HACD3: variants seen among roughly 807,000 people sequenced by gnomAD.
HACD3 encodes very-long-chain (3R)-3-hydroxyacyl-CoA dehydratase 3.
HACD3 carries 30 observed loss-of-function variants against 55.2 expected under a neutral mutation model. The ratio of observed to expected loss-of-function variants is 0.54; its 90% CI spans 0.41 to 0.74. HACD3 has a LOEUF of 0.74. Among genes scored for constraint, HACD3 ranks in the 30% least tolerant of loss-of-function variants. The pLI is 0.00. For missense variants in HACD3, 363 were observed against 440.1 expected, an observed-to-expected ratio of 0.82 and a Z score of 1.57; for synonymous variants, 141 against 151.7, an observed-to-expected ratio of 0.93 and a Z score of 0.52.
chr15:65,560,528 T>A (rs551100497), intron 5 of HACD3, among the ~76,000 whole-genome samples: 1 of 152,324 alleles, frequency 6.6e-6, no homozygotes, highest in South Asian at 2.1e-4. Flanking sequence ...CCAAGTATGA[T>A]GGCTCATGCC....
At chr15:65,534,150 T>G (rs560809207) in intron 1 of HACD3, among the ~76,000 whole-genome samples, 11 of 152,358 alleles carry the variant, frequency 7.2e-5, no homozygotes, top group South Asian at 4.1e-4. Flanking sequence ...CCTACTCTTG[T>G]CTATCATTAA....
intron 1 of HACD3, among the ~76,000 whole-genome samples, chr15:65,539,826 TATCA>T (rs542661331): frequency 0.051 from 1,926 of 37,470 alleles, 10 homozygotes; most frequent in Non-Finnish European, 0.13. Context: ...AGAAATATAA[TATCA>T]AATAAAAAGC....
At chr15:65,571,795 TC>T in intron 9 of HACD3, 141 bp downstream of exon 9, 1 of 675,356 alleles carries the variant, frequency 1.5e-6, no homozygotes, top group Non-Finnish European at 2.5e-6. Flanking sequence ...TGGGCTTCCT[TC>T]CATAATACTC....
At chr15:65,553,023 C>A (rs1297478142) in intron 2 of HACD3, 1 of 152,016 alleles carries the variant, frequency 6.6e-6, no homozygotes, top group Non-Finnish European at 1.5e-5. Context: ...GACATGAACT[C>A]ATCATTTTTT....
intron 1 of HACD3, among the ~76,000 whole-genome samples, chr15:65,547,145 C>G (rs1270367508): frequency 1.3e-5 from 2 of 151,452 alleles, no homozygotes; most frequent in East Asian, 3.9e-4. Flanking sequence ...GAGACGGAGT[C>G]TCACTCTGTC....
chr15:65,566,455 A>G (rs2174330), intron 7 of HACD3: 161,144 of 161,162 alleles, frequency 1, 80,563 homozygotes, highest in Non-Finnish European at 1. Context: ...GGTGCAGGGC[A>G]AAAGGCACTT....
intron 4 of HACD3, 93 bp from the exon 5 acceptor site, chr15:65,558,587 G>A (rs1165760421): frequency 8.0e-7 from 1 of 1,249,854 alleles, no homozygotes; most frequent in Non-Finnish European, 1.1e-6. Flanking sequence ...AGTTGGCTTT[G>A]AGGGAGTCAG....
At chr15:65,536,301 A>G (rs2071954521) in intron 1 of HACD3, among the ~76,000 whole-genome samples, 1 of 151,406 alleles carries the variant, frequency 6.6e-6, no homozygotes, top group Non-Finnish European at 1.5e-5. Flanking sequence ...CCCAGCCACC[A>G]TTGTGATTGT....
chr15:65,569,766 C>T (rs1482235831), intron 7 of HACD3, among the ~76,000 whole-genome samples: 2 of 152,142 alleles, frequency 1.3e-5, no homozygotes, highest in East Asian at 3.8e-4. Flanking sequence ...TATAGGGGTC[C>T]CACGTTTGTA....
chr15:65,530,963 T>A, intron 1 of HACD3: 1 of 480,558 alleles, frequency 2.1e-6, no homozygotes, highest in Non-Finnish European at 3.7e-6. Flanking sequence ...CCTGGGCCTC[T>A]CAGGCTACCC....
At chr15:65,548,755 A>G (rs1334114183) in intron 1 of HACD3, among the ~76,000 whole-genome samples, 1 of 151,782 alleles carries the variant, frequency 6.6e-6, no homozygotes, top group Non-Finnish European at 1.5e-5. Context: ...TTATTTTTGT[A>G]GAGACGGTCT....
chr15:65,546,488 T>G (rs1420570950), intron 1 of HACD3, among the ~76,000 whole-genome samples: 1 of 152,184 alleles, frequency 6.6e-6, no homozygotes, highest in Non-Finnish European at 1.5e-5. Context: ...ATTGGGAGCT[T>G]TCATTATATT....
At chr15:65,545,825 A>G (rs1355044643) in intron 1 of HACD3, among the ~76,000 whole-genome samples, 1 of 152,082 alleles carries the variant, frequency 6.6e-6, no homozygotes, top group Non-Finnish European at 1.5e-5. Context: ...AAAATTCGCA[A>G]TTTATTTCTT....
At chr15:65,568,153 C>T (rs181905307) in intron 7 of HACD3, among the ~76,000 whole-genome samples, 22 of 151,852 alleles carry the variant, frequency 1.4e-4, no homozygotes, top group African/African-American at 5.3e-4. Context: ...AACTCCTGAC[C>T]CCAGGTGATC....
chr15:65,575,753 A>G (rs994038291), intron 10 of HACD3, among the ~76,000 whole-genome samples: 2 of 152,198 alleles, frequency 1.3e-5, no homozygotes, highest in Non-Finnish European at 2.9e-5. Context: ...ATAATGATTT[A>G]ATCTTTTGCG....
chr15:65,568,367 T>C (rs1218762089), intron 7 of HACD3, among the ~76,000 whole-genome samples: 2 of 145,796 alleles, frequency 1.4e-5, no homozygotes, highest in Non-Finnish European at 3.0e-5. Context: ...GTTATGTGTA[T>C]TTTTTTTTTT....
At chr15:65,565,785 A>G (rs920709307) in intron 7 of HACD3, 5 of 152,186 alleles carry the variant, frequency 3.3e-5, no homozygotes, top group African/African-American at 1.2e-4. Context: ...TACTTGTGCA[A>G]ATTTCTGCAG....
rs2072356744 is a variant in HACD3 at position 65,572,359 on chromosome 15, A to G, written c.1005A>G (p.Ile335Met). Residue 335 changes from isoleucine (I) to methionine (M), a missense_variant, in exon 10 of 11, where the codon ATA becomes ATG. By Grantham distance (10) the Ile-to-Met change is conservative. Coordinates refer to ENST00000261875, the MANE Select transcript of HACD3 (RefSeq NM_016395.4). ...TTCTTCAGATTTATCTTATAATGAT[A>G]TTTTTAGGTAAGTATTGATTCTTTA... Reference protein sequence around the residue: ...SFFLQIYLIMIFLGLYINFRH... With the variant: ...SFFLQIYLIMMFLGLYINFRH... The G allele has an allele frequency of 1.2e-6, 2 of 1,600,702 alleles. No homozygotes were observed. Among genetic ancestry groups the G allele is most frequent in the Non-Finnish European group, 8.5e-7 (1 of 1,172,388 alleles).
chr15:65,536,626 G>A (rs1047773669), intron 1 of HACD3, among the ~76,000 whole-genome samples: 19 of 152,046 alleles, frequency 1.2e-4, no homozygotes, highest in African/African-American at 1.7e-4. Context: ...GTGTGGTGGC[G>A]GGTGCCTGTA....
Sources: gnomAD v4.1 joint callset for allele counts (sites outside exome capture counted in the v4.1 genomes callset) on GRCh38, gnomAD v4.1.1 for gene constraint, MANE v1.5 for transcripts, NCBI Gene and HGNC (gene_info 2026-07-23, HGNC 2026-07-21) for gene names.